COL21A1: variants seen among roughly 807,000 people sequenced by gnomAD.
COL21A1 encodes collagen type XXI alpha 1 chain.
In COL21A1, 149 loss-of-function variants were observed where a neutral mutation model predicts 137.9. The observed-to-expected ratio is 1.08, with a 90% CI of 0.95 to 1.24. The LOEUF (loss-of-function observed/expected upper bound fraction) is 1.24, where lower values mean the gene tolerates loss of function less well. Among genes scored for constraint, COL21A1 ranks in the 50% most tolerant of loss-of-function variants. The pLI, the probability that COL21A1 is intolerant of heterozygous loss-of-function variation, is 0.00. For synonymous variants in COL21A1, 456 were observed against 391.5 expected (o/e 1.16, Z -1.95); for missense variants, 1,167 against 1,158.4 (o/e 1.01, Z -0.11).
chr6:56,252,032 T>G (rs1201794776), upstream of COL21A1, among the ~76,000 whole-genome samples: 1 of 152,240 alleles, frequency 6.6e-6, no homozygotes, highest in Admixed American at 6.5e-5. Context: ...TAAGCCATCT[T>G]GTTTTGCAGG....
intron 1 of COL21A1, among the ~76,000 whole-genome samples, chr6:56,296,232 T>TAAGTA (rs1215274845): frequency 6.6e-6 from 1 of 152,006 alleles, no homozygotes; most frequent in Non-Finnish European, 1.5e-5. Flanking sequence ...ATAAAATTTT[T>TAAGTA]AAGTAACAAC....
At chr6:56,159,743 G>A in intron 9 of COL21A1, among the ~76,000 whole-genome samples, 1 of 146,274 alleles carries the variant, frequency 6.8e-6, no homozygotes. Flanking sequence ...CCACTCATTT[G>A]TAGAATATCA....
chr6:56,125,672 T>G (rs1314382655), intron 13 of COL21A1, 52 bp from the exon 14 acceptor site: 1 of 1,198,570 alleles, frequency 8.3e-7, no homozygotes, highest in Admixed American at 2.6e-5. Context: ...AATATTTTTC[T>G]TATAAAGAAA....
At chr6:56,229,511 CA>C (rs1360106427) in intron 1 of COL21A1, among the ~76,000 whole-genome samples, 1 of 151,914 alleles carries the variant, frequency 6.6e-6, no homozygotes, top group Non-Finnish European at 1.5e-5. Flanking sequence ...GTACACTAAC[CA>C]CAAGAGGTTA....
At chr6:56,143,158 C>CTA (rs760365968) in intron 10 of COL21A1, among the ~76,000 whole-genome samples, 24 of 151,066 alleles carry the variant, frequency 1.6e-4, no homozygotes, top group Middle Eastern at 3.4e-3. Context: ...ATTGCCTTCT[C>CTA]AGTTACTTAT....
intron 17 of COL21A1, among the ~76,000 whole-genome samples, chr6:56,097,635 AGTGG>A (rs1423003298): frequency 6.7e-6 from 1 of 150,240 alleles, no homozygotes; most frequent in African/African-American, 2.4e-5. Context: ...TCTTGAATAA[AGTGG>A]GAGCAGGCAG....
chr6:56,169,426 T>G (rs1452867224), intron 5 of COL21A1, among the ~76,000 whole-genome samples: 1 of 151,958 alleles, frequency 6.6e-6, no homozygotes, highest in Non-Finnish European at 1.5e-5. Flanking sequence ...CATGACACAC[T>G]ATGGTCAAGA....
chr6:56,090,050 G>A (rs1344181682), intron 17 of COL21A1, among the ~76,000 whole-genome samples: 1 of 152,088 alleles, frequency 6.6e-6, no homozygotes, highest in East Asian at 1.9e-4. Context: ...GACCATCCTG[G>A]CCAAAATGGT....
At position 56,338,320 on chromosome 6, in the gene COL21A1, C is replaced by T. The variant is rs142235371; in HGVS notation, c.-39+55651G>A. 2.6e-4 allele frequency among the ~76,000 whole-genome samples: 39 copies of T among 152,208 alleles called. 1 individual carries two copies. The East Asian group carries it at 6.8e-3, about 26-fold the overall frequency. ...TTGGAGAAGAGGCACTTTTCTCTAA[C>T]CCAGCTAGTAGTGCTCCATACCTAT... On this transcript the variant is annotated intron_variant, in intron 1 of 28. Coordinates refer to the COL21A1 transcript ENST00000370819.
chr6:56,339,345 C>G (rs796795157), intron 1 of COL21A1, among the ~76,000 whole-genome samples: 2 of 143,558 alleles, frequency 1.4e-5, no homozygotes, highest in African/African-American at 5.1e-5. Flanking sequence ...TTTATTACTG[C>G]GTTTAATAAA....
intron 10 of COL21A1, among the ~76,000 whole-genome samples, chr6:56,153,498 T>C (rs1775486352): frequency 1.3e-5 from 2 of 152,086 alleles, no homozygotes; most frequent in African/African-American, 4.8e-5. Flanking sequence ...ACCCTGACTT[T>C]AAAACATTGC....
Position 56,179,965 on chromosome 6 carries a change from G to A in COL21A1, c.253C>T (p.Pro85Ser), listed in dbSNP as rs1777775640. Residue 85 changes from proline (P) to serine (S), a missense_variant, in exon 3 of 30, where the codon CCT becomes TCT. Pro to Ser is a moderately conservative substitution (Grantham distance 74). Coordinates refer to ENST00000244728, the MANE Select transcript of COL21A1 (RefSeq NM_030820.4). ...QVGVVQYSDY[P>S]VLEIPLGSYD... ...CTTCCGAGAGGAATCTCCAGCACAG[G>A]GTAGTCACTATATTGAACCACTCCA... is the stretch of plus-strand genomic sequence containing the variant. 1.2e-6 allele frequency: 2 copies of A among 1,613,868 alleles called. No individual in the cohort carries two copies. The highest frequency in any genetic ancestry group is 1.7e-6 in the Non-Finnish European group (2 of 1,179,844).
intron 1 of COL21A1, among the ~76,000 whole-genome samples, chr6:56,372,802 G>A (rs1001204958): frequency 1.3e-5 from 2 of 152,144 alleles, no homozygotes; most frequent in Non-Finnish European, 2.9e-5. Context: ...GAAGGTGGCT[G>A]TTGTAATGGT....
chr6:56,344,135 G>C (rs1765534673), intron 1 of COL21A1, among the ~76,000 whole-genome samples: 1 of 152,106 alleles, frequency 6.6e-6, no homozygotes, highest in African/African-American at 2.4e-5. Flanking sequence ...ATAGCACAGG[G>C]AATCAAAGAA....
At position 56,325,622 on chromosome 6, in the gene COL21A1, A is replaced by ATATT. The variant is rs1323260223; in HGVS notation, c.-39+68348_-39+68349insAATA. On this transcript the variant is annotated intron_variant, in intron 1 of 28. Coordinates refer to the COL21A1 transcript ENST00000370819. ...TAATATATTATCTATTATATATAAT[A>ATATT]ATCTATTATATATAATATATAATAT... Among the ~76,000 whole-genome samples, 6 of 728 alleles carry ATATT rather than the reference A, an allele frequency of 8.2e-3. 1 individual carries two copies. The highest frequency in any genetic ancestry group is 0.012 in the African/African-American group (4 of 340). The allele number at this position is 728 out of a possible 152,430, so 0.5% of individuals were successfully genotyped here.
intron 17 of COL21A1, among the ~76,000 whole-genome samples, chr6:56,086,388 G>A (rs1039967777): frequency 6.6e-6 from 1 of 152,046 alleles, no homozygotes; most frequent in African/African-American, 2.4e-5. Flanking sequence ...AGTTTTGGCT[G>A]AAAGCATTAC....
chr6:56,365,352 A>T (rs1398937642), intron 1 of COL21A1, among the ~76,000 whole-genome samples: 2 of 152,196 alleles, frequency 1.3e-5, no homozygotes, highest in Admixed American at 1.3e-4. Flanking sequence ...TGGCTAGACA[A>T]GGAAGAAAAG....
At chr6:56,352,901 C>T (rs1765743196) in intron 1 of COL21A1, among the ~76,000 whole-genome samples, 3 of 151,924 alleles carry the variant, frequency 2.0e-5, no homozygotes, top group Non-Finnish European at 2.9e-5. Flanking sequence ...ATTAGCTGGG[C>T]GTGGTGGCGC....
intron 1 of COL21A1, among the ~76,000 whole-genome samples, chr6:56,319,978 C>A (rs1764827694): frequency 6.6e-6 from 1 of 152,074 alleles, no homozygotes; most frequent in African/African-American, 2.4e-5. Context: ...CTCCAGCTCA[C>A]CTCTTTAAAT....
Sources: allele counts gnomAD v4.1 joint callset (sites outside exome capture counted in the v4.1 genomes callset), GRCh38; gene constraint gnomAD v4.1.1; transcripts MANE v1.5; gene names NCBI Gene and HGNC (gene_info 2026-07-23, HGNC 2026-07-21).